Variants in SFMBT2 observed in about 807,000 individuals in gnomAD.
SFMBT2 encodes the protein scm-like with four MBT domains protein 2.
In SFMBT2, 38 loss-of-function variants were observed where a neutral mutation model predicts 110.1. The observed-to-expected ratio is 0.35, with a 90% CI of 0.27 to 0.45. The LOEUF (loss-of-function observed/expected upper bound fraction) is 0.45, where lower values mean the gene tolerates loss of function less well. SFMBT2 is among the 20% of genes least tolerant of loss of function. The pLI is 1.00. For missense variants in SFMBT2, 1,011 were observed against 1,094.9 expected (o/e 0.92, Z 1.08); for synonymous variants, 425 against 425.4 (o/e 1.00, Z 0.01).
intron 2 of SFMBT2, among the ~76,000 whole-genome samples, chr10:7,371,390 G>A (rs773374010): frequency 6.6e-5 from 10 of 152,080 alleles, no homozygotes; most frequent in Non-Finnish European, 1.3e-4. Flanking sequence ...GCCTCCCAAA[G>A]TGCTAGGATT....
chr10:7,184,274 G>A (rs1838331827), intron 16 of SFMBT2, among the ~76,000 whole-genome samples: 1 of 152,146 alleles, frequency 6.6e-6, no homozygotes, highest in Admixed American at 6.5e-5. Context: ...GGGACCCAGT[G>A]GGAGGTAACT....
chr10:7,399,324 C>A (rs1343895834), intron 1 of SFMBT2, among the ~76,000 whole-genome samples: 1 of 152,166 alleles, frequency 6.6e-6, no homozygotes, highest in Non-Finnish European at 1.5e-5. Flanking sequence ...CCTCTGCCTC[C>A]TGGGTTCAAG....
intron 4 of SFMBT2, among the ~76,000 whole-genome samples, chr10:7,349,144 AC>A (rs775040928): frequency 3.9e-5 from 6 of 152,058 alleles, no homozygotes; most frequent in Non-Finnish European, 7.4e-5. Flanking sequence ...AGAATCACAG[AC>A]CTCTTCCATA....
chr10:7,288,879 T>C (rs1390851752), intron 4 of SFMBT2, among the ~76,000 whole-genome samples: 1 of 129,428 alleles, frequency 7.7e-6, no homozygotes, highest in Non-Finnish European at 1.6e-5. Context: ...CCACTAGAAA[T>C]AGAAAAATGA....
intron 17 of SFMBT2, among the ~76,000 whole-genome samples, chr10:7,173,888 A>T (rs1385319764): frequency 6.6e-6 from 1 of 152,154 alleles, no homozygotes; most frequent in Non-Finnish European, 1.5e-5. Flanking sequence ...CACAGTACTG[A>T]GTCGTGGGCT....
chr10:7,279,016 G>T (rs781493462), intron 6 of SFMBT2, among the ~76,000 whole-genome samples: 1 of 151,554 alleles, frequency 6.6e-6, no homozygotes, highest in African/African-American at 2.4e-5. Flanking sequence ...CAGGAGAATC[G>T]CTTGAACCCT....
At chr10:7,236,807 A>T (rs1840271870) in intron 9 of SFMBT2, among the ~76,000 whole-genome samples, 2 of 151,972 alleles carry the variant, frequency 1.3e-5, no homozygotes, top group African/African-American at 2.4e-5. Context: ...ATATGCCATT[A>T]AAAAAAACCA....
chr10:7,306,761 G>A (rs1842711812), intron 4 of SFMBT2, among the ~76,000 whole-genome samples: 1 of 151,212 alleles, frequency 6.6e-6, no homozygotes. Flanking sequence ...AGGAAGGAAA[G>A]AGAAAATGAT....
At chr10:7,366,807 G>T (rs1844920305) in intron 4 of SFMBT2, among the ~76,000 whole-genome samples, 2 of 152,296 alleles carry the variant, frequency 1.3e-5, no homozygotes, top group South Asian at 4.1e-4. Context: ...GCTGAGCCTG[G>T]TAATTATTGG....
chr10:7,359,884 T>G (rs747690363), intron 4 of SFMBT2, among the ~76,000 whole-genome samples: 1 of 152,188 alleles, frequency 6.6e-6, no homozygotes, highest in African/African-American at 2.4e-5. Flanking sequence ...AATAAACAAA[T>G]ATTTACAGAC....
rs559642230 is a variant in SFMBT2 at position 7,305,041 on chromosome 10, C to T, written c.437-19087G>A. ...CTCCTAGCTCAGAGTCCCTCTCCTT[C>T]TACAGAAAGAGCGCCTGTGTTCATT... On this transcript the variant is annotated intron_variant, in intron 4 of 20. Coordinates refer to ENST00000397167, the MANE Select transcript of SFMBT2 (RefSeq NM_001387889.1). Among the ~76,000 whole-genome samples the T allele has an allele frequency of 8.5e-5, 13 of 152,286 alleles. No individual in the cohort carries two copies. In the South Asian group the frequency reaches 2.7e-3, roughly 32 times the overall value.
chr10:7,311,146 A>G (rs941558505), intron 4 of SFMBT2, among the ~76,000 whole-genome samples: 5 of 149,428 alleles, frequency 3.3e-5, no homozygotes, highest in Non-Finnish European at 7.4e-5. Flanking sequence ...AAAAAAAACA[A>G]ACTGTTTCAT....
In SFMBT2 at chr10:7,311,367, AAACT is replaced by A. The variant is rs111663406; in HGVS notation, c.437-25417_437-25414del. 3.1e-4 allele frequency among the ~76,000 whole-genome samples: 47 copies of A among 152,374 alleles called. 2 individuals are homozygous for A. Among genetic ancestry groups the A allele is most frequent in the African/African-American group, 1.1e-3 (45 of 41,586 alleles). On this transcript the variant is annotated intron_variant, in intron 4 of 20. Coordinates refer to ENST00000397167, the MANE Select transcript of SFMBT2 (RefSeq NM_001387889.1). ...TTTCAACAGCTATACTCTACTTTGC[AAACT>A]AACAGATTCTTCCATTGACGGCGAC... is the stretch of plus-strand genomic sequence containing the variant.
chr10:7,280,132 T>A (rs756257512), intron 6 of SFMBT2, among the ~76,000 whole-genome samples: 7 of 152,188 alleles, frequency 4.6e-5, no homozygotes, highest in Admixed American at 4.6e-4. Flanking sequence ...AAGGCGGCTG[T>A]CTGCAAACCA....
chr10:7,353,949 T>G (rs1048772872), intron 4 of SFMBT2, among the ~76,000 whole-genome samples: 1 of 151,756 alleles, frequency 6.6e-6, no homozygotes, highest in Non-Finnish European at 1.5e-5. Context: ...TAGCTGGGTG[T>G]GGTGGTGCGT....
chr10:7,241,809 T>C (rs992333491), intron 9 of SFMBT2, among the ~76,000 whole-genome samples: 3 of 152,202 alleles, frequency 2.0e-5, no homozygotes, highest in Non-Finnish European at 4.4e-5. Context: ...TCTGAAAACA[T>C]TGACAACTAT....
intron 2 of SFMBT2, among the ~76,000 whole-genome samples, chr10:7,375,323 T>G (rs1425822620): frequency 1.3e-5 from 2 of 152,164 alleles, no homozygotes; most frequent in African/African-American, 4.8e-5. Flanking sequence ...ATCTTGGGTT[T>G]GTACAATTTT....
intron 4 of SFMBT2, among the ~76,000 whole-genome samples, chr10:7,362,788 C>T (rs1219076421): frequency 6.6e-6 from 1 of 152,230 alleles, no homozygotes; most frequent in African/African-American, 2.4e-5. Context: ...TACACCGTAA[C>T]TTGCTGACCT....
chr10:7,208,879 T>C (rs967778169), intron 11 of SFMBT2, among the ~76,000 whole-genome samples: 40 of 152,292 alleles, frequency 2.6e-4, no homozygotes, highest in African/African-American at 9.4e-4. Flanking sequence ...CCTTTGATCA[T>C]CTTTCCCATT....
Sources: gnomAD v4.1 joint callset for allele counts (sites outside exome capture counted in the v4.1 genomes callset) on GRCh38, gnomAD v4.1.1 for gene constraint, MANE v1.5 for transcripts, NCBI Gene and HGNC (gene_info 2026-07-23, HGNC 2026-07-21) for gene names.